The following ELMO1 variants were observed in gnomAD, a reference collection of about 807,000 sequenced individuals.
ELMO1 encodes engulfment and cell motility 1, also known as engulfment and cell motility protein 1.
Under a neutral mutation model 98.9 loss-of-function variants are expected in ELMO1, and 26 were observed. That is an observed-to-expected ratio of 0.26 (90% CI 0.19 to 0.36). The LOEUF is 0.36. Ranked by LOEUF, ELMO1 falls within the 10% of genes least tolerant of loss-of-function variation. The probability of loss-of-function intolerance (pLI) is 1.00; values close to 1 mark genes in which losing one functional copy is unlikely to be tolerated. For missense variants in ELMO1, 627 were observed against 935.2 expected, an observed-to-expected ratio of 0.67 and a Z score of 4.30; for synonymous variants, 346 against 346.0, an observed-to-expected ratio of 1.00 and a Z score of 0.00.
At chr7:37,295,919 T>A (rs745564778) in intron 4 of ELMO1, among the ~76,000 whole-genome samples, 43 of 152,236 alleles carry the variant, frequency 2.8e-4, no homozygotes, top group Non-Finnish European at 1.3e-4. Flanking sequence ...TTCAATACGC[T>A]TTTGTGTGTT....
intron 2 of ELMO1, among the ~76,000 whole-genome samples, chr7:37,331,257 C>T (rs1404799512): frequency 6.6e-6 from 1 of 151,016 alleles, no homozygotes; most frequent in Non-Finnish European, 1.5e-5. Flanking sequence ...GCAAGCTCTG[C>T]CTCCCGGGTT....
chr7:36,963,137 C>T (rs1400250606), intron 16 of ELMO1, among the ~76,000 whole-genome samples: 2 of 152,238 alleles, frequency 1.3e-5, no homozygotes, highest in African/African-American at 4.8e-5. Context: ...GTAATCCCAG[C>T]ACTTTGGGAG....
chr7:37,356,896 C>T (rs138668096), intron 1 of ELMO1, among the ~76,000 whole-genome samples: 1 of 152,102 alleles, frequency 6.6e-6, no homozygotes. Context: ...GAAACTAGAA[C>T]CTATCTCCAC....
chr7:37,191,172 G>A lies in ELMO1; in HGVS notation c.1086+20214C>T, dbSNP rs1791549547. Among the ~76,000 whole-genome samples the A allele has an allele frequency of 2.6e-5, 3 of 117,630 alleles. No homozygotes were observed. In the South Asian group the frequency reaches 8.3e-4, roughly 33 times the overall value. The allele number at this position is 117,630 out of a possible 152,430, so 77.2% of individuals were successfully genotyped here. On this transcript the variant is annotated intron_variant, in intron 13 of 21. Coordinates refer to ENST00000310758, the MANE Select transcript of ELMO1 (RefSeq NM_014800.11). ...CCACTGCACTCCAGCCTGGGTAACA[G>A]AGCAAGACTCTGTCTCAAAAAAAAA...
intron 1 of ELMO1, among the ~76,000 whole-genome samples, chr7:37,360,041 A>T (rs565086782): frequency 3.0e-4 from 46 of 152,238 alleles, no homozygotes; most frequent in African/African-American, 1.1e-3. Flanking sequence ...CTCGGATCAT[A>T]ATTTCCGTTC....
chr7:37,191,578 T>C (rs1473228910), intron 13 of ELMO1, among the ~76,000 whole-genome samples: 4 of 152,132 alleles, frequency 2.6e-5, no homozygotes, highest in African/African-American at 7.2e-5. Flanking sequence ...ATCATAAATA[T>C]ATAGGAGAAT....
intron 4 of ELMO1, among the ~76,000 whole-genome samples, chr7:37,305,529 A>G (rs1798568755): frequency 6.6e-6 from 1 of 152,134 alleles, no homozygotes; most frequent in African/African-American, 2.4e-5. Flanking sequence ...AAGCCAAACT[A>G]AACTTTTTAA....
In ELMO1 at chr7:36,961,868, G is replaced by C. The variant is rs118023673; in HGVS notation, c.1437+51431C>G. On this transcript the variant is annotated intron_variant, in intron 16 of 21. Coordinates refer to ENST00000310758, the MANE Select transcript of ELMO1 (RefSeq NM_014800.11). ...TTTAATGTGGCCAGGCATGTAAATAGTATTGTCCCAGAGCAAATCTTCAGT... is the reference window on the plus strand; with the variant it reads ...TTTAATGTGGCCAGGCATGTAAATACTATTGTCCCAGAGCAAATCTTCAGT... 5.6e-3 allele frequency among the ~76,000 whole-genome samples: 859 copies of C among 152,304 alleles called. 7 individuals carry two copies. The highest frequency in any genetic ancestry group is 9.8e-3 in the Non-Finnish European group (666 of 68,030).
chr7:37,238,264 T>A (rs1415951296), intron 7 of ELMO1, among the ~76,000 whole-genome samples: 1 of 152,234 alleles, frequency 6.6e-6, no homozygotes, highest in African/African-American at 2.4e-5. Context: ...AGATATTGCA[T>A]GTCTATCGAT....
chr7:37,125,565 TGCAAA>T (rs1786447029), intron 14 of ELMO1, among the ~76,000 whole-genome samples: 1 of 152,046 alleles, frequency 6.6e-6, no homozygotes, highest in Non-Finnish European at 1.5e-5. Context: ...ATCAGAGAAA[TGCAAA>T]GCAAAAGCAC....
intron 6 of ELMO1, among the ~76,000 whole-genome samples, chr7:37,257,999 G>T (rs1320888952): frequency 2.0e-5 from 3 of 151,860 alleles, no homozygotes; most frequent in Non-Finnish European, 4.4e-5. Flanking sequence ...GCCGGGCGTG[G>T]TGACTCACGC....
At chr7:37,344,784 G>T (rs1244129168) in intron 1 of ELMO1, among the ~76,000 whole-genome samples, 1 of 152,178 alleles carries the variant, frequency 6.6e-6, no homozygotes, top group Non-Finnish European at 1.5e-5. Context: ...TTGTGAGTGA[G>T]GCTGAACATA....
At chr7:37,142,701 C>T (rs991482867) in intron 13 of ELMO1, among the ~76,000 whole-genome samples, 1 of 152,146 alleles carries the variant, frequency 6.6e-6, no homozygotes, top group Non-Finnish European at 1.5e-5. Context: ...GCATCATAGG[C>T]CAGCTGACAC....
intron 1 of ELMO1, among the ~76,000 whole-genome samples, chr7:37,356,778 G>T (rs1472283610): frequency 6.7e-6 from 1 of 149,044 alleles, no homozygotes; most frequent in African/African-American, 2.5e-5. Context: ...AAAAAGAAAA[G>T]AAAAATGATC....
chr7:37,152,298 C>T (rs1788417273), intron 13 of ELMO1, among the ~76,000 whole-genome samples: 1 of 152,062 alleles, frequency 6.6e-6, no homozygotes. Context: ...GAAGGCCTGG[C>T]CCACGAACGC....
chr7:37,013,609 G>C (rs184902981), intron 15 of ELMO1, 174 bp from the exon 16 acceptor site: 1 of 678,986 alleles, frequency 1.5e-6, no homozygotes, highest in East Asian at 2.9e-5. Context: ...CATACAACTC[G>C]GAAGTTTAAG....
intron 15 of ELMO1, among the ~76,000 whole-genome samples, chr7:37,050,650 ACACACAC>A (rs1796054471): frequency 6.6e-6 from 1 of 150,846 alleles, no homozygotes; most frequent in Non-Finnish European, 1.5e-5. Context: ...ACACACACAC[ACACACAC>A]ACAAAAGGTA....
At chr7:37,371,882 T>C (rs1802129743) in intron 1 of ELMO1, among the ~76,000 whole-genome samples, 1 of 152,200 alleles carries the variant, frequency 6.6e-6, no homozygotes, top group African/African-American at 2.4e-5. Flanking sequence ...TGTGATTATT[T>C]GGCAGCTCCA....
At chr7:37,149,929 T>A (rs983520550) in intron 13 of ELMO1, among the ~76,000 whole-genome samples, 1 of 152,196 alleles carries the variant, frequency 6.6e-6, no homozygotes, top group African/African-American at 2.4e-5. Flanking sequence ...CTCCCAAATG[T>A]CTCACTCAAC....
Sources: gnomAD v4.1 joint callset for allele counts (sites outside exome capture counted in the v4.1 genomes callset) on GRCh38, gnomAD v4.1.1 for gene constraint, MANE v1.5 for transcripts, NCBI Gene and HGNC (gene_info 2026-07-23, HGNC 2026-07-21) for gene names.